Variants in EFCAB11 observed in about 807,000 individuals in gnomAD.
EFCAB11 encodes EF-hand calcium binding domain 11.
Under a neutral mutation model 23.0 loss-of-function variants are expected in EFCAB11, and 14 were observed. The ratio of observed to expected loss-of-function variants is 0.61; its 90% CI spans 0.40 to 0.95. The LOEUF (loss-of-function observed/expected upper bound fraction) is 0.95. EFCAB11 is among the 40% of genes least tolerant of loss of function. EFCAB11 has a pLI of 0.00. For synonymous variants in EFCAB11, 65 were observed against 66.6 expected, an observed-to-expected ratio of 0.98 and a Z score of 0.11; for missense variants, 198 against 195.8, an observed-to-expected ratio of 1.01 and a Z score of -0.07.
intron 5 of EFCAB11, among the ~76,000 whole-genome samples, chr14:89,845,831 C>T (rs189210113): frequency 4.6e-5 from 7 of 152,248 alleles, no homozygotes; most frequent in East Asian, 1.9e-4. Flanking sequence ...TCGAGTGGTG[C>T]GTCTCTGGAC....
chr14:89,843,819 A>G (rs1887346586), intron 5 of EFCAB11, among the ~76,000 whole-genome samples: 2 of 152,238 alleles, frequency 1.3e-5, no homozygotes, highest in African/African-American at 4.8e-5. Flanking sequence ...ATTATACACT[A>G]TAAAAACCAT....
intron 5 of EFCAB11, among the ~76,000 whole-genome samples, chr14:89,806,108 G>T (rs913449804): frequency 6.6e-6 from 1 of 151,936 alleles, no homozygotes; most frequent in African/African-American, 2.4e-5. Context: ...ACAAGTGACG[G>T]AATAAATTCT....
At chr14:89,822,668 A>G (rs1886564604) in intron 5 of EFCAB11, among the ~76,000 whole-genome samples, 1 of 152,162 alleles carries the variant, frequency 6.6e-6, no homozygotes, top group Non-Finnish European at 1.5e-5. Flanking sequence ...CCCATGGGAA[A>G]AGAACTTACA....
intron 5 of EFCAB11, among the ~76,000 whole-genome samples, chr14:89,930,331 T>TA (rs1285186303): frequency 3.9e-5 from 6 of 152,234 alleles, no homozygotes; most frequent in Admixed American, 3.9e-4. Flanking sequence ...AAGTTACTTT[T>TA]ATCCCAAATG....
At chr14:89,925,649 T>A (rs1345594513) in intron 5 of EFCAB11, among the ~76,000 whole-genome samples, 1 of 77,086 alleles carries the variant, frequency 1.3e-5, no homozygotes, top group Non-Finnish European at 2.0e-5. Flanking sequence ...TGTTTCTTTC[T>A]TTTTTTTTTT....
chr14:89,838,049 C>G (rs1178416907), intron 5 of EFCAB11, among the ~76,000 whole-genome samples: 1 of 152,132 alleles, frequency 6.6e-6, no homozygotes, highest in African/African-American at 2.4e-5. Flanking sequence ...CTGAGGAATT[C>G]ATAGGCCTGG....
intron 5 of EFCAB11, among the ~76,000 whole-genome samples, chr14:89,917,165 T>C (rs1889878026): frequency 6.6e-6 from 1 of 151,994 alleles, no homozygotes; most frequent in Non-Finnish European, 1.5e-5. Context: ...ACATTAACTA[T>C]AGTTACCATG....
intron 5 of EFCAB11, chr14:89,836,635 C>T (rs1178889368): frequency 1.5e-5 from 7 of 456,604 alleles, no homozygotes; most frequent in South Asian, 1.1e-4. Flanking sequence ...TAAAACCTCT[C>T]CCTTCTAGCT....
intron 5 of EFCAB11, among the ~76,000 whole-genome samples, chr14:89,920,057 G>A (rs947837007): frequency 1.3e-5 from 2 of 152,146 alleles, no homozygotes; most frequent in Non-Finnish European, 2.9e-5. Context: ...ACTCCTCTCA[G>A]CAATTTTCAA....
chr14:89,929,982 G>T (rs1389912819), intron 5 of EFCAB11, among the ~76,000 whole-genome samples: 1 of 152,132 alleles, frequency 6.6e-6, no homozygotes, highest in Non-Finnish European at 1.5e-5. Flanking sequence ...AAAAGAAAAT[G>T]AGTATCAATT....
At chr14:89,848,479 G>A (rs1365162845) in intron 5 of EFCAB11, 2 of 152,198 alleles carry the variant, frequency 1.3e-5, no homozygotes, top group Non-Finnish European at 2.9e-5. Context: ...GGGCAGAAAT[G>A]TCTTGAGAGC....
intron 5 of EFCAB11, among the ~76,000 whole-genome samples, chr14:89,904,389 G>C (rs1201157967): frequency 6.6e-6 from 1 of 152,130 alleles, no homozygotes; most frequent in Non-Finnish European, 1.5e-5. Context: ...TGGACATATG[G>C]GTTAGTTCCA....
At chr14:89,837,600 C>T (rs528675027) in intron 5 of EFCAB11, among the ~76,000 whole-genome samples, 2 of 152,274 alleles carry the variant, frequency 1.3e-5, no homozygotes, top group African/African-American at 4.8e-5. Context: ...ATTTAGGTAT[C>T]TGAATAACAT....
intron 5 of EFCAB11, among the ~76,000 whole-genome samples, chr14:89,817,345 G>T (rs1886367096): frequency 6.6e-6 from 1 of 152,086 alleles, no homozygotes; most frequent in Admixed American, 6.5e-5. Context: ...AACACAGTGA[G>T]ACCCTGTCTC....
chr14:89,869,823 CCAA>C (rs1463838449), intron 5 of EFCAB11, among the ~76,000 whole-genome samples: 1 of 152,146 alleles, frequency 6.6e-6, no homozygotes, highest in Admixed American at 6.5e-5. Flanking sequence ...GTCCTAACTC[CCAA>C]CAACAACTAG....
intron 5 of EFCAB11, among the ~76,000 whole-genome samples, chr14:89,856,761 GC>G (rs1319535930): frequency 6.6e-6 from 1 of 152,018 alleles, no homozygotes; most frequent in African/African-American, 2.4e-5. Flanking sequence ...TAGGACCTTT[GC>G]CCATTTTTAA....
At chr14:89,850,100 C>T (rs1887558602) in intron 5 of EFCAB11, among the ~76,000 whole-genome samples, 1 of 152,168 alleles carries the variant, frequency 6.6e-6, no homozygotes, top group Non-Finnish European at 1.5e-5. Context: ...CTACCCCCTG[C>T]CTCCCGGCCA....
At chr14:89,909,030 T>C (rs937834587) in intron 5 of EFCAB11, among the ~76,000 whole-genome samples, 3 of 152,104 alleles carry the variant, frequency 2.0e-5, no homozygotes, top group Non-Finnish European at 4.4e-5. Flanking sequence ...ACATTTAGTG[T>C]AGAGTAAGAG....
At chr14:89,814,070 A>AG (rs1174371501) in intron 5 of EFCAB11, among the ~76,000 whole-genome samples, 1 of 133,682 alleles carries the variant, frequency 7.5e-6, no homozygotes, top group African/African-American at 2.6e-5. Flanking sequence ...CCCTGGGGGG[A>AG]GAAAAAAAAA....
Sources: gnomAD v4.1 joint callset for allele counts (sites outside exome capture counted in the v4.1 genomes callset) on GRCh38, gnomAD v4.1.1 for gene constraint, MANE v1.5 for transcripts, NCBI Gene and HGNC (gene_info 2026-07-23, HGNC 2026-07-21) for gene names.